The following PKD2 variants were observed in gnomAD, a reference collection of about 807,000 sequenced individuals.
PKD2 encodes polycystin 2, transient receptor potential cation channel.
PKD2 carries 48 observed loss-of-function variants against 105.9 expected under a neutral mutation model. That is an observed-to-expected ratio of 0.45 (90% CI 0.36 to 0.58). The LOEUF (loss-of-function observed/expected upper bound fraction) is 0.58, where lower values mean the gene tolerates loss of function less well. Ranked by LOEUF, PKD2 falls within the 20% of genes least tolerant of loss-of-function variation. The pLI is 0.00. For missense variants in PKD2, 1,078 were observed against 1,255.3 expected, an observed-to-expected ratio of 0.86 and a Z score of 2.13; for synonymous variants, 464 against 481.1, an observed-to-expected ratio of 0.96 and a Z score of 0.46.
At chr4:88,009,383 A>T (rs2110081525) in intron 1 of PKD2, among the ~76,000 whole-genome samples, 1 of 152,324 alleles carries the variant, frequency 6.6e-6, no homozygotes, top group Middle Eastern at 3.4e-3. Context: ...TTGTTACAGC[A>T]GTGTGATTAA....
chr4:88,008,289 C>G lies in PKD2; in HGVS notation c.556C>G (p.Arg186Gly). Reference sequence around the variant, plus strand: ...CCTCCCCCTGGAAGGGCAGCCGCCCCGAGTGGCCTGGGCGGAGAGGCTGGT... The same window carrying G: ...CCTCCCCCTGGAAGGGCAGCCGCCCGGAGTGGCCTGGGCGGAGAGGCTGGT... Reference protein sequence around the residue: ...RHLPLEGQPPRVAWAERLVRG... With the variant: ...RHLPLEGQPPGVAWAERLVRG... Residue 186 changes from arginine (R) to glycine (G), a missense_variant, in exon 1 of 15, where the codon CGA becomes GGA. Physicochemically the swap from Arg to Gly is moderately radical, Grantham distance 125. Coordinates refer to ENST00000237596, the MANE Select transcript of PKD2 (RefSeq NM_000297.4). 6.7e-7 allele frequency: 1 copy of G among 1,483,940 alleles called. No homozygotes were observed. Among genetic ancestry groups the G allele is most frequent in the Non-Finnish European group, 8.9e-7 (1 of 1,122,914 alleles). The allele number at this position is 1,483,940 out of a possible 1,614,324, so 91.9% of individuals were successfully genotyped here.
At chr4:88,061,749 T>A (rs963049151) in intron 9 of PKD2, among the ~76,000 whole-genome samples, 157 bp from the exon 10 acceptor site, 96 of 149,386 alleles carry the variant, frequency 6.4e-4, no homozygotes, top group East Asian at 5.6e-3. Context: ...AAAAAAAAAA[T>A]TTTTTTTTAA....
intron 6 of PKD2, 65 bp from the exon 7 acceptor site, chr4:88,051,926 T>G (rs1242527243): frequency 2.3e-6 from 2 of 855,378 alleles, no homozygotes; most frequent in African/African-American, 3.4e-5. Context: ...AATATACTAG[T>G]CATATTAAGG....
At chr4:88,025,420 A>G (rs1205135062) in intron 2 of PKD2, among the ~76,000 whole-genome samples, 1 of 151,706 alleles carries the variant, frequency 6.6e-6, no homozygotes, top group Non-Finnish European at 1.5e-5. Flanking sequence ...CTCCAGCCTG[A>G]GCTACACAGT....
At chr4:88,056,598 G>A (rs1560620705) in intron 8 of PKD2, among the ~76,000 whole-genome samples, 1 of 152,090 alleles carries the variant, frequency 6.6e-6, no homozygotes, top group Non-Finnish European at 1.5e-5. Flanking sequence ...TCTTACTCCT[G>A]TTGAATATTG....
intron 9 of PKD2, among the ~76,000 whole-genome samples, chr4:88,059,900 C>T (rs574609636): frequency 2.1e-4 from 32 of 152,156 alleles, no homozygotes; most frequent in African/African-American, 7.5e-4. Flanking sequence ...AGTTTATTGC[C>T]CCTGTTTAGC....
intron 1 of PKD2, among the ~76,000 whole-genome samples, chr4:88,015,760 G>GCCAA (rs1726539380): frequency 6.6e-6 from 1 of 152,164 alleles, no homozygotes; most frequent in Non-Finnish European, 1.5e-5. Context: ...AAAATAGTTG[G>GCCAA]GGAAATGGCA....
intron 2 of PKD2, among the ~76,000 whole-genome samples, chr4:88,028,812 A>G (rs977568919): frequency 1.3e-5 from 2 of 152,228 alleles, no homozygotes; most frequent in Non-Finnish European, 2.9e-5. Context: ...AAGTAAAAAA[A>G]TCAGTAAGTT....
chr4:88,043,759 T>C (rs1057018863), intron 5 of PKD2, among the ~76,000 whole-genome samples: 1 of 152,108 alleles, frequency 6.6e-6, no homozygotes, highest in Non-Finnish European at 1.5e-5. Context: ...CTTTACCCAT[T>C]ATAAGGATGG....
rs1373007470 is a variant in PKD2 at position 88,077,392 on chromosome 4, C to A, written c.*1698C>A. 6.6e-6 allele frequency: 1 copy of A among 152,572 alleles called. No homozygotes were observed. The highest frequency in any genetic ancestry group is 1.5e-5 in the Non-Finnish European group (1 of 68,038). The allele number at this position is 152,572 out of a possible 1,614,324, so 9.5% of individuals were successfully genotyped here. A position where few individuals can be genotyped will look rare whatever the true frequency, so the allele number is the denominator to read the frequency against. ...TTGCATTCCAGGGATATTGACTGTA[C>A]ATATTTATGTATATGTACCATGTTG... On this transcript the variant is annotated 3_prime_UTR_variant, in exon 15 of 15. Transcript: ENST00000237596.
chr4:88,064,814 C>G (rs531309788), intron 10 of PKD2, among the ~76,000 whole-genome samples: 16 of 152,144 alleles, frequency 1.1e-4, no homozygotes, highest in Admixed American at 2.6e-4. Context: ...ATCACTTGAG[C>G]TCAGGAGGTC....
chr4:88,031,524 GCAT>G (rs1465487473), intron 2 of PKD2, among the ~76,000 whole-genome samples: 1 of 152,076 alleles, frequency 6.6e-6, no homozygotes, highest in Non-Finnish European at 1.5e-5. Context: ...TGTGGCCAAG[GCAT>G]CTTAGTTCTA....
At chr4:88,012,851 A>T (rs908231321) in intron 1 of PKD2, among the ~76,000 whole-genome samples, 1 of 152,084 alleles carries the variant, frequency 6.6e-6, no homozygotes, top group Non-Finnish European at 1.5e-5. Flanking sequence ...TGTCTGGCTT[A>T]TTCACTTAGC....
chr4:88,021,276 ACAGAG>A (rs1409773159), intron 2 of PKD2, among the ~76,000 whole-genome samples: 2 of 152,206 alleles, frequency 1.3e-5, no homozygotes, highest in Admixed American at 6.5e-5. Flanking sequence ...AGATCTACTA[ACAGAG>A]CCTCCATAAT....
At position 88,046,819 on chromosome 4, in the gene PKD2, A is replaced by G. The variant is rs1727791582; in HGVS notation, c.1497A>G (p.Lys499=). The G allele has an allele frequency of 6.2e-7, 1 of 1,612,484 alleles. No individual in the cohort carries two copies. The highest frequency in any genetic ancestry group is 8.5e-7 in the Non-Finnish European group (1 of 1,178,590). Residue 499 remains lysine, a synonymous_variant, in exon 6 of 15, where the codon AAA becomes AAG. Coordinates refer to ENST00000237596, the MANE Select transcript of PKD2 (RefSeq NM_000297.4). ...VEEILEIRIH[K]LHYFRSFWNC... Reference sequence around the variant, plus strand: ...AGATATTGGAAATTCGCATTCACAAACTACACTATTTCAGGAGTTTCTGGA... The same window carrying G: ...AGATATTGGAAATTCGCATTCACAAGCTACACTATTTCAGGAGTTTCTGGA...
At chr4:88,025,158 A>T (rs545080862) in intron 2 of PKD2, among the ~76,000 whole-genome samples, 19 of 149,736 alleles carry the variant, frequency 1.3e-4, no homozygotes, top group Non-Finnish European at 2.7e-4. Flanking sequence ...AAAAGAAAAG[A>T]ATAGAAAAAG....
chr4:88,069,784 C>T (rs1017450620), intron 13 of PKD2, among the ~76,000 whole-genome samples: 2 of 152,080 alleles, frequency 1.3e-5, no homozygotes, highest in Non-Finnish European at 2.9e-5. Flanking sequence ...TCTTCTTTTG[C>T]TCCTCTGGAT....
In PKD2 at chr4:88,056,218, C is replaced by A; in HGVS notation, c.1849C>A (p.Leu617Ile). 1 of 1,613,130 alleles carries A rather than the reference C, an allele frequency of 6.2e-7. No individual in the cohort carries two copies. Among genetic ancestry groups the A allele is most frequent in the Non-Finnish European group, 8.5e-7 (1 of 1,179,212 alleles). ...IFLAYAQLAY[L>I]VFGTQVDDFS... Reference sequence around the variant, plus strand: ...CCTAGCGTATGCTCAGTTGGCATACCTTGTCTTTGGCACTCAGGTCGATGA... The same window carrying A: ...CCTAGCGTATGCTCAGTTGGCATACATTGTCTTTGGCACTCAGGTCGATGA... The change falls in exon 8 of 15, where the codon CTT (leucine) becomes ATT (isoleucine). Residue 617 changes from leucine (L) to isoleucine (I), a missense_variant. Coordinates refer to ENST00000237596, the MANE Select transcript of PKD2 (RefSeq NM_000297.4).
rs1273255907 is a variant in PKD2 at position 88,075,450 on chromosome 4, C to G, written c.2671-8C>G. 6.2e-7 allele frequency: 1 copy of G among 1,609,346 alleles called. No individual in the cohort carries two copies. Among genetic ancestry groups the G allele is most frequent in the Non-Finnish European group, 8.5e-7 (1 of 1,175,850 alleles). On this transcript the variant is annotated splice_polypyrimidine_tract_variant and splice_region_variant and intron_variant, in intron 14 of 14. Coordinates refer to ENST00000237596, the MANE Select transcript of PKD2 (RefSeq NM_000297.4). ...GCCCCCAACACCAGTTTCTTTTTCCCTTTTTAGGATGAAAGGCTGGGTCGT... is the reference window on the plus strand; with the variant it reads ...GCCCCCAACACCAGTTTCTTTTTCCGTTTTTAGGATGAAAGGCTGGGTCGT...
Sources: allele counts gnomAD v4.1 joint callset (sites outside exome capture counted in the v4.1 genomes callset), GRCh38; gene constraint gnomAD v4.1.1; transcripts MANE v1.5; gene names NCBI Gene and HGNC (gene_info 2026-07-23, HGNC 2026-07-21).